CAMTA1: variants seen among roughly 807,000 people sequenced by gnomAD.
The protein encoded by CAMTA1 is calmodulin-binding transcription activator 1.
Under a neutral mutation model 170.9 loss-of-function variants are expected in CAMTA1, and 27 were observed. The ratio of observed to expected loss-of-function variants is 0.16; its 90% CI spans 0.12 to 0.22. CAMTA1 has a LOEUF of 0.22. Among genes scored for constraint, CAMTA1 ranks in the 10% least tolerant of loss-of-function variants. The pLI, the probability that CAMTA1 is intolerant of heterozygous loss-of-function variation, is 1.00. For synonymous variants in CAMTA1, 833 were observed against 891.5 expected (o/e 0.93, Z 1.17); for missense variants, 1,619 against 2,217.2 (o/e 0.73, Z 5.42).
rs1359129386 is a variant in CAMTA1, at chr1:7,149,851, G to A, written c.302+58480G>A. ...AGACGTTGAAGACAAATGTGTGCCT[G>A]TGGGGAGCAGCATGTTTATGGCAAA... On this transcript the variant is annotated intron_variant, in intron 4 of 22. Transcript: ENST00000303635. Among the ~76,000 whole-genome samples the A allele has an allele frequency of 2.0e-5, 3 of 152,232 alleles. 1 individual carries two copies. Among genetic ancestry groups the A allele is most frequent in the Admixed American group, 2.0e-4 (3 of 15,286 alleles).
At chr1:7,647,216 T>C (rs1397477415) in intron 7 of CAMTA1, among the ~76,000 whole-genome samples, 1 of 151,520 alleles carries the variant, frequency 6.6e-6, no homozygotes, top group Non-Finnish European at 1.5e-5. Flanking sequence ...AAGCCTGGGG[T>C]TGTATGTTCA....
intron 6 of CAMTA1, among the ~76,000 whole-genome samples, chr1:7,537,940 A>T (rs76430389): frequency 6.6e-6 from 1 of 152,196 alleles, no homozygotes; most frequent in Admixed American, 6.5e-5. Flanking sequence ...ATTTTCTTCT[A>T]CTTCAGAAAA....
At chr1:6,972,711 G>A (rs1692755571) in intron 3 of CAMTA1, among the ~76,000 whole-genome samples, 1 of 152,130 alleles carries the variant, frequency 6.6e-6, no homozygotes, top group Admixed American at 6.5e-5. Flanking sequence ...GGCTGAGTGT[G>A]GAGTCAGTGT....
chr1:6,842,213 C>T (rs1476526507), intron 3 of CAMTA1, among the ~76,000 whole-genome samples: 1 of 152,242 alleles, frequency 6.6e-6, no homozygotes, highest in Non-Finnish European at 1.5e-5. Flanking sequence ...CAAGTTAGTG[C>T]AGACCCATTC....
intron 4 of CAMTA1, among the ~76,000 whole-genome samples, chr1:7,230,969 C>T (rs988292810): frequency 1.3e-5 from 2 of 152,022 alleles, no homozygotes; most frequent in African/African-American, 2.4e-5. Flanking sequence ...TACAGAGGGA[C>T]CCCCCAGGAG....
chr1:7,613,172 C>T (rs1476553153), intron 6 of CAMTA1, among the ~76,000 whole-genome samples: 5 of 152,178 alleles, frequency 3.3e-5, no homozygotes, highest in African/African-American at 1.2e-4. Flanking sequence ...CATGGGAACC[C>T]CGGGATGGGA....
chr1:7,255,727 T>C (rs188941340), intron 5 of CAMTA1, among the ~76,000 whole-genome samples: 15 of 152,208 alleles, frequency 9.9e-5, no homozygotes, highest in Admixed American at 5.9e-4. Context: ...CTCCACAGAG[T>C]GTCTACAGAA....
At position 7,234,593 on chromosome 1, in the gene CAMTA1, G is replaced by A. The variant is rs1278313514; in HGVS notation, c.303-14898G>A. Among the ~76,000 whole-genome samples the A allele has an allele frequency of 1.3e-5, 2 of 152,184 alleles. No homozygotes were observed. The highest frequency in any genetic ancestry group is 2.4e-5 in the African/African-American group (1 of 41,440). ...ACAAATCAGTGAACGTCAGCGTAGA[G>A]TTTCAAGCCGAGGCCCTGGGAGCCC... On this transcript the variant is annotated intron_variant, in intron 4 of 22. Transcript: ENST00000303635. This position sits in a 1 kb window ranked among gnomAD's most constrained non-coding sequence, Gnocchi z 5.0.
At chr1:7,597,853 G>T (rs2095412019) in intron 6 of CAMTA1, among the ~76,000 whole-genome samples, 1 of 151,690 alleles carries the variant, frequency 6.6e-6, no homozygotes, top group African/African-American at 2.4e-5. Flanking sequence ...TTAAGTGTTG[G>T]GATACATGTG....
In CAMTA1 at chr1:6,971,706, A is replaced by G. The variant is rs1212251007; in HGVS notation, c.235-119598A>G. Among the ~76,000 whole-genome samples the G allele has an allele frequency of 2.0e-5, 3 of 152,186 alleles. No individual in the cohort carries two copies. Among genetic ancestry groups the G allele is most frequent in the African/African-American group, 2.4e-5 (1 of 41,446 alleles). On this transcript the variant is annotated intron_variant, in intron 3 of 22. Coordinates refer to ENST00000303635, the MANE Select transcript of CAMTA1 (RefSeq NM_015215.4). The surrounding 1 kb of genome is among the most constrained non-coding windows in gnomAD (Gnocchi z 4.6). ...ATAAAAACCCCCATGACCATCCTCCATGCTTATTAGGTAAGTGATTGGTGT... is the reference window on the plus strand; with the variant it reads ...ATAAAAACCCCCATGACCATCCTCCGTGCTTATTAGGTAAGTGATTGGTGT...
intron 7 of CAMTA1, among the ~76,000 whole-genome samples, chr1:7,659,990 C>T (rs1558073495): frequency 6.6e-6 from 1 of 152,202 alleles, no homozygotes; most frequent in African/African-American, 2.4e-5. Flanking sequence ...ACCAGGTACA[C>T]ACCTATAATA....
intron 6 of CAMTA1, among the ~76,000 whole-genome samples, chr1:7,479,428 C>G (rs1040352154): frequency 6.6e-6 from 1 of 152,150 alleles, no homozygotes; most frequent in Non-Finnish European, 1.5e-5. Flanking sequence ...CTTGCCATCC[C>G]CATCACCACC....
intron 6 of CAMTA1, among the ~76,000 whole-genome samples, chr1:7,493,943 C>G (rs909589431): frequency 1.3e-5 from 2 of 152,126 alleles, no homozygotes; most frequent in Admixed American, 1.3e-4. Flanking sequence ...GTCTCTGCCT[C>G]CCAGGCTCAG....
At chr1:6,807,227 G>A (rs1455484529) in intron 1 of CAMTA1, 1 of 452,752 alleles carries the variant, frequency 2.2e-6, no homozygotes, top group Admixed American at 3.8e-5. Flanking sequence ...GAGTTTGTTA[G>A]TGAGTTGTGT....
intron 6 of CAMTA1, among the ~76,000 whole-genome samples, chr1:7,549,048 C>T (rs983214423): frequency 1.5e-5 from 2 of 135,514 alleles, no homozygotes; most frequent in African/African-American, 5.5e-5. Context: ...GGAAGGTGCC[C>T]CCTTAGGGGT....
intron 5 of CAMTA1, among the ~76,000 whole-genome samples, chr1:7,394,882 CT>C (rs56830110): frequency 2.2e-5 from 3 of 136,752 alleles, no homozygotes; most frequent in African/African-American, 8.1e-5. Context: ...CTTTTTTTTT[CT>C]TTTTTTTTTG....
intron 3 of CAMTA1, among the ~76,000 whole-genome samples, chr1:6,889,154 G>A (rs145948066): frequency 2.0e-5 from 3 of 152,222 alleles, no homozygotes; most frequent in Admixed American, 6.5e-5. Flanking sequence ...AAAAGCAAAG[G>A]CTAAATTTTT....
In CAMTA1 at chr1:7,592,179, A is replaced by G. The variant is rs540332009; in HGVS notation, c.511-48221A>G. On this transcript the variant is annotated intron_variant, in intron 6 of 22. Transcript: ENST00000303635. The surrounding 1 kb of genome is among the most constrained non-coding windows in gnomAD (Gnocchi z 4.6). Reference sequence around the variant, plus strand: ...CTCCCAAAGTGCTAGGATTACAGGCATGAGCCACCGCACCCAGCCACTTTT... The same window carrying G: ...CTCCCAAAGTGCTAGGATTACAGGCGTGAGCCACCGCACCCAGCCACTTTT... Among the ~76,000 whole-genome samples, 138 of 152,286 alleles carry G rather than the reference A, an allele frequency of 9.1e-4. 1 individual carries two copies. The highest frequency in any genetic ancestry group is 4.1e-3 in the South Asian group (20 of 4,828).
intron 5 of CAMTA1, among the ~76,000 whole-genome samples, chr1:7,398,179 CTCTCT>C (rs2089504352): frequency 2.3e-5 from 1 of 43,740 alleles, no homozygotes; most frequent in African/African-American, 9.1e-5. Context: ...CTCTCTCTCT[CTCTCT>C]CTCTCTCTCT....
Sources: allele counts gnomAD v4.1 joint callset (sites outside exome capture counted in the v4.1 genomes callset), GRCh38; gene constraint gnomAD v4.1.1; non-coding constraint Gnocchi (gnomAD v3.1); transcripts MANE v1.5; gene names NCBI Gene and HGNC (gene_info 2026-07-23, HGNC 2026-07-21).